The following RBM14 variants were observed in gnomAD, a reference collection of about 807,000 sequenced individuals.
RBM14 encodes the protein RNA-binding protein 14.
RBM14 carries 5 observed loss-of-function variants against 52.8 expected under a neutral mutation model. That is an observed-to-expected ratio of 0.09 (90% CI 0.05 to 0.20). The LOEUF is 0.20. Among genes scored for constraint, RBM14 ranks in the 10% least tolerant of loss-of-function variants. The pLI, the probability that RBM14 is intolerant of heterozygous loss-of-function variation, is 1.00. For missense variants in RBM14, 780 were observed against 926.6 expected (o/e 0.84, Z 2.05); for synonymous variants, 411 against 401.8 (o/e 1.02, Z -0.28).
Position 66,616,790 on chromosome 11 carries a change from C to G in RBM14, c.70C>G (p.Pro24Ala), listed in dbSNP as rs747348399. The G allele has an allele frequency of 6.2e-7, 1 of 1,608,786 alleles. No individual in the cohort carries two copies. The highest frequency in any genetic ancestry group is 8.5e-7 in the Non-Finnish European group (1 of 1,176,582). ...GGAGGAGCTGGCAGCCCTCTTTGCG[C>G]CCTACGGCACGGTCATGAGCTGCGC... The part of the protein sequence containing the change: ...TPEELAALFA[P>A]YGTVMSCAVM... Residue 24 changes from proline to alanine, a missense_variant, in exon 1 of 3, where the codon CCC becomes GCC. Around this residue, in one of 4 missense-constraint regions of RBM14, gnomAD observed 71 missense variants for 119.2 expected, o/e 0.60. Coordinates refer to ENST00000310137, the MANE Select transcript of RBM14 (RefSeq NM_006328.4).
rs550391611 is a variant in RBM14, at chr11:66,624,275, C to T, written c.399C>T (p.Asn133=). The change falls in exon 2 of 3, where the codon AAC becomes AAT. Residue 133 remains asparagine, a synonymous_variant. Transcript: ENST00000310137. This position sits in a 1 kb window ranked among gnomAD's most constrained non-coding sequence, Gnocchi z 4.7. ...CCAAAGCCGCAATCGCGCAGCTCAA[C>T]GGCAAAGAAGTGAAGGGCAAGCGCA... ...ADAKAAIAQL[N]GKEVKGKRIN... is the part of the protein sequence containing the mutation. 6 of 1,611,006 alleles carry T rather than the reference C, an allele frequency of 3.7e-6. No individual in the cohort carries two copies. The highest frequency in any genetic ancestry group is 1.1e-5 in the South Asian group (1 of 90,922).
chr11:66,623,623 C>T (rs1859222621), intron 1 of RBM14, among the ~76,000 whole-genome samples: 1 of 152,150 alleles, frequency 6.6e-6, no homozygotes, highest in Non-Finnish European at 1.5e-5. Flanking sequence ...CCTAAGAGTG[C>T]TTTGAAAACT....
At chr11:66,622,226 CTTTTTTTCTTTTT>C (rs910918846) in intron 1 of RBM14, among the ~76,000 whole-genome samples, 4 of 149,004 alleles carry the variant, frequency 2.7e-5, no homozygotes, top group Admixed American at 1.3e-4. Flanking sequence ...AGTTTCTTTT[CTTTTTTTCTTTTT>C]TTTTTTTTTT....
chr11:66,624,931 C>T lies in RBM14; in HGVS notation c.1055C>T (p.Ala352Val). Residue 352 changes from alanine to valine, a missense_variant, in exon 2 of 3, where the codon GCT becomes GTT. By Grantham distance (64) the Ala-to-Val change is moderately conservative (BLOSUM62 0). This residue lies in a region of RBM14 where 675 missense variants were observed against 697.3 expected (regional missense o/e 0.97). Coordinates refer to ENST00000310137, the MANE Select transcript of RBM14 (RefSeq NM_006328.4). This position sits in a 1 kb window ranked among gnomAD's most constrained non-coding sequence, Gnocchi z 4.7. Reference protein sequence around the residue: ...GNQPSSYGAQAASSYGVRAAA... With the variant: ...GNQPSSYGAQVASSYGVRAAA... ...CAGCCATCCTCTTACGGCGCCCAGG[C>T]TGCCTCTTCCTATGGGGTTCGTGCA... 6.2e-7 allele frequency: 1 copy of T among 1,613,952 alleles called. No homozygotes were observed. Among genetic ancestry groups the T allele is most frequent in the Non-Finnish European group, 8.5e-7 (1 of 1,179,974 alleles).
chr11:66,628,326 C>G lies in RBM14; in HGVS notation c.*1658C>G, dbSNP rs1014373216. Among the ~76,000 whole-genome samples, 1 of 152,134 alleles carries G rather than the reference C, an allele frequency of 6.6e-6. No individual in the cohort carries two copies. Among genetic ancestry groups the G allele is most frequent in the African/African-American group, 2.4e-5 (1 of 41,414 alleles). On this transcript the variant is annotated 3_prime_UTR_variant, in exon 3 of 3. Coordinates refer to ENST00000310137, the MANE Select transcript of RBM14 (RefSeq NM_006328.4). Reference sequence around the variant, plus strand: ...TTTAAAGACTCGATTTGGGAGCCTACTGGGGCAAGGCGACTGGGGAGGTGT... The same window carrying G: ...TTTAAAGACTCGATTTGGGAGCCTAGTGGGGCAAGGCGACTGGGGAGGTGT...
intron 1 of RBM14, among the ~76,000 whole-genome samples, chr11:66,623,438 T>C (rs1859211333): frequency 6.6e-6 from 1 of 152,216 alleles, no homozygotes; most frequent in African/African-American, 2.4e-5. Context: ...GGATAGATTA[T>C]GTAGCAAAGG....
rs1402933965 is a variant in RBM14, at chr11:66,627,829, A to C, written c.*1161A>C. Among the ~76,000 whole-genome samples, 2 of 152,134 alleles carry C rather than the reference A, an allele frequency of 1.3e-5. No individual in the cohort carries two copies. Among genetic ancestry groups the C allele is most frequent in the African/African-American group, 4.8e-5 (2 of 41,434 alleles). ...AAGGAACCAGTAGTGGAGTGGGGGT[A>C]ATGGCGTTGCCTGATACTGCCCTAT... On this transcript the variant is annotated 3_prime_UTR_variant, in exon 3 of 3. Transcript: ENST00000310137.
chr11:66,621,859 A>T (rs1421900741), intron 1 of RBM14, among the ~76,000 whole-genome samples: 1 of 151,762 alleles, frequency 6.6e-6, no homozygotes, highest in Non-Finnish European at 1.5e-5. Context: ...TTTCTCTTGA[A>T]CCTCTTAACT....
chr11:66,624,516 C>T lies in RBM14; in HGVS notation c.640C>T (p.Arg214Cys), dbSNP rs747929881. The change falls in exon 2 of 3, where the codon CGC becomes TGC. Residue 214 changes from arginine (R) to cysteine (C), a missense_variant. Physicochemically the swap from Arg to Cys is radical, Grantham distance 180. Coordinates refer to ENST00000310137, the MANE Select transcript of RBM14 (RefSeq NM_006328.4). The surrounding 1 kb of genome is among the most constrained non-coding windows in gnomAD (Gnocchi z 4.7). ...CACACCACCCTTCTTTGGTCGCGAC[C>T]GCAGCCCTCTGCGCCGTTCACCTCC... Reference protein sequence around the residue: ...QPTPPFFGRDRSPLRRSPPRA... With the variant: ...QPTPPFFGRDCSPLRRSPPRA... 7 of 1,613,042 alleles carry T rather than the reference C, an allele frequency of 4.3e-6. No individual in the cohort carries two copies. Among genetic ancestry groups the T allele is most frequent in the Admixed American group, 1.7e-5 (1 of 59,994 alleles).
At chr11:66,617,352 C>T (rs758156592) in intron 1 of RBM14, 2 of 1,232,712 alleles carry the variant, frequency 1.6e-6, no homozygotes, top group Middle Eastern at 3.2e-4. Context: ...GGCGCGCCTT[C>T]TCCTGGTCTC....
rs1017180056 is a variant in RBM14, at chr11:66,626,802, T to C, written c.*134T>C. 10 of 844,242 alleles carry C rather than the reference T, an allele frequency of 1.2e-5. No homozygotes were observed. The highest frequency in any genetic ancestry group is 1.8e-5 in the Non-Finnish European group (10 of 559,194). The allele number at this position is 844,242 out of a possible 1,614,324, so 52.3% of individuals were successfully genotyped here. A position where few individuals can be genotyped will look rare whatever the true frequency, so the allele number is the denominator to read the frequency against. On this transcript the variant is annotated 3_prime_UTR_variant, in exon 3 of 3. Transcript: ENST00000310137. ...TTCATGCCCTCTACCATGTGGGCCT[T>C]CCCCAGGAGATGATCCTGTTAAGTG...
chr11:66,618,604 G>T, intron 1 of RBM14: 1 of 716,830 alleles, frequency 1.4e-6, no homozygotes, highest in South Asian at 1.5e-5. Context: ...AGAGTGGTGG[G>T]GGAGGGTCTC....
chr11:66,624,041 A>G lies in RBM14; in HGVS notation c.338-173A>G, dbSNP rs1225291689. The G allele has an allele frequency of 1.8e-6, 2 of 1,126,508 alleles. No individual in the cohort carries two copies. The highest frequency in any genetic ancestry group is 5.1e-5 in the East Asian group (2 of 39,028). The allele number at this position is 1,126,508 out of a possible 1,614,324, so 69.8% of individuals were successfully genotyped here. ...GCAAAGATGACTGCTTGGGACAGTC[A>G]GAAGCTTTGTTATATGGGAGCTACA... is the stretch of plus-strand genomic sequence containing the variant. On this transcript the variant is annotated intron_variant, in intron 1 of 2. Transcript: ENST00000310137. This position sits in a 1 kb window ranked among gnomAD's most constrained non-coding sequence, Gnocchi z 4.7.
intron 1 of RBM14, among the ~76,000 whole-genome samples, chr11:66,618,812 G>A (rs1318718331): frequency 6.6e-6 from 1 of 152,164 alleles, no homozygotes; most frequent in Non-Finnish European, 1.5e-5. Flanking sequence ...GGTAGAGAAA[G>A]TCAAAAATTT....
Position 66,624,495 on chromosome 11 carries a change from C to G in RBM14, c.619C>G (p.Pro207Ala). ...TGATGGGCAAGCCCGTCAGCCCACA[C>G]CACCCTTCTTTGGTCGCGACCGCAG... Reference protein sequence around the residue: ...GFDGQARQPTPPFFGRDRSPL... With the variant: ...GFDGQARQPTAPFFGRDRSPL... The change falls in exon 2 of 3, where the codon CCA becomes GCA. Residue 207 changes from proline (P) to alanine (A), a missense_variant. Physicochemically the swap from Pro to Ala is conservative, Grantham distance 27. Around this residue, in one of 4 missense-constraint regions of RBM14, gnomAD observed 675 missense variants for 697.3 expected, o/e 0.97. Coordinates refer to ENST00000310137, the MANE Select transcript of RBM14 (RefSeq NM_006328.4). This position sits in a 1 kb window ranked among gnomAD's most constrained non-coding sequence, Gnocchi z 4.7. The G allele has an allele frequency of 3.7e-6, 6 of 1,613,114 alleles. No individual in the cohort carries two copies. The highest frequency in any genetic ancestry group is 5.1e-6 in the Non-Finnish European group (6 of 1,179,206).
chr11:66,621,104 C>A (rs955801544), intron 1 of RBM14, among the ~76,000 whole-genome samples: 1 of 151,988 alleles, frequency 6.6e-6, no homozygotes, highest in Non-Finnish European at 1.5e-5. Flanking sequence ...CTCCTGAGCT[C>A]AAGCCATCCT....
Position 66,624,491 on chromosome 11 carries a change from C to G in RBM14, c.615C>G (p.Pro205=). The change falls in exon 2 of 3, where the codon CCC becomes CCG. Residue 205 remains proline (P), a synonymous_variant. Coordinates refer to ENST00000310137, the MANE Select transcript of RBM14 (RefSeq NM_006328.4). This position sits in a 1 kb window ranked among gnomAD's most constrained non-coding sequence, Gnocchi z 4.7. ...GCTTTGATGGGCAAGCCCGTCAGCC[C>G]ACACCACCCTTCTTTGGTCGCGACC... is the stretch of plus-strand genomic sequence containing the variant. ...TGGFDGQARQ[P]TPPFFGRDRS... 1 of 1,613,192 alleles carries G rather than the reference C, an allele frequency of 6.2e-7. No homozygotes were observed. The highest frequency in any genetic ancestry group is 8.5e-7 in the Non-Finnish European group (1 of 1,179,242).
At chr11:66,619,541 T>C (rs2135005424) in intron 1 of RBM14, 1 of 152,266 alleles carries the variant, frequency 6.6e-6, no homozygotes. Flanking sequence ...CAGAGCTCTG[T>C]AGTTTCAAGT....
rs1266853724 is a variant in RBM14 at position 66,627,616 on chromosome 11, C to A, written c.*948C>A. Among the ~76,000 whole-genome samples the A allele has an allele frequency of 1.3e-5, 2 of 152,184 alleles. No homozygotes were observed. Among genetic ancestry groups the A allele is most frequent in the South Asian group, 2.1e-4 (1 of 4,828 alleles). ...CACACCAAAATGCAGTAAATGATGC[C>A]CATTTTCCTCTGCCTGTGCTTGACC... On this transcript the variant is annotated 3_prime_UTR_variant, in exon 3 of 3. Coordinates refer to ENST00000310137, the MANE Select transcript of RBM14 (RefSeq NM_006328.4).
Sources: allele counts gnomAD v4.1 joint callset (sites outside exome capture counted in the v4.1 genomes callset), GRCh38; gene constraint gnomAD v4.1.1; regional missense constraint gnomAD v4.1.1; non-coding constraint Gnocchi (gnomAD v3.1); transcripts MANE v1.5; gene names NCBI Gene and HGNC (gene_info 2026-07-23, HGNC 2026-07-21).